TRIM46: variants seen among roughly 807,000 people sequenced by gnomAD.
TRIM46 encodes tripartite motif containing 46.
A neutral mutation model predicts 69.7 loss-of-function variants in TRIM46; 17 were observed. The ratio of observed to expected loss-of-function variants is 0.24; its 90% CI spans 0.17 to 0.37. The LOEUF is 0.37. TRIM46 is among the 10% of genes least tolerant of loss of function. TRIM46 has a pLI of 1.00. For synonymous variants in TRIM46, 391 were observed against 429.0 expected (o/e 0.91, Z 1.09); for missense variants, 675 against 1,025.1 (o/e 0.66, Z 4.66).
rs767836066 is a variant in TRIM46, at chr1:155,178,148, G to A, written c.1056G>A (p.Glu352=). ...CCCGTCTCAGCGCCCAGATCCAGGA[G>A]CACCGGAGCCTGCTGGATGGCTCAG... The part of the protein sequence containing the change: ...RLARLSAQIQ[E]HRSLLDGSGL... Residue 352 remains glutamate, a synonymous_variant, in exon 6 of 10, where the codon GAG becomes GAA. Coordinates refer to ENST00000334634, the MANE Select transcript of TRIM46 (RefSeq NM_025058.5). 8 of 1,614,024 alleles carry A rather than the reference G, an allele frequency of 5.0e-6. No homozygotes were observed. The highest frequency in any genetic ancestry group is 3.3e-5 in the Admixed American group (2 of 60,008).
At chr1:155,180,685 T>A in intron 8 of TRIM46, 1 of 165,262 alleles carries the variant, frequency 6.1e-6, no homozygotes, top group Non-Finnish European at 1.3e-5. Flanking sequence ...CCAAGGTGGG[T>A]GGATCCCCTG....
At chr1:155,179,260 C>T (rs1239960319) in intron 7 of TRIM46, among the ~76,000 whole-genome samples, 1 of 152,178 alleles carries the variant, frequency 6.6e-6, no homozygotes, top group African/African-American at 2.4e-5. Context: ...CCTGGGGCTC[C>T]TCTTAATTCA....
At chr1:155,180,020 G>A (rs1243381959) in intron 8 of TRIM46, 86 bp downstream of exon 8, 11 of 1,397,102 alleles carry the variant, frequency 7.9e-6, no homozygotes, top group Non-Finnish European at 1.1e-5. Flanking sequence ...GTGGCCGCTA[G>A]AGAGGCCATA....
chr1:155,183,891 A>G lies in TRIM46; in HGVS notation c.1981A>G (p.Ile661Val). ...FAFLTIGMGK[I>V]LLGSGASSNA... is the part of the protein sequence containing the mutation. ...TTTCCTAACCATTGGCATGGGCAAGATCCTGCTGGGGTCGGGGGCAAGCTC... is the reference window on the plus strand; with the variant it reads ...TTTCCTAACCATTGGCATGGGCAAGGTCCTGCTGGGGTCGGGGGCAAGCTC... The change falls in exon 10 of 10, where the codon ATC becomes GTC. Residue 661 changes from isoleucine (I) to valine (V), a missense_variant. Coordinates refer to ENST00000334634, the MANE Select transcript of TRIM46 (RefSeq NM_025058.5). The G allele has an allele frequency of 6.2e-7, 1 of 1,613,594 alleles. No individual in the cohort carries two copies. The highest frequency in any genetic ancestry group is 8.5e-7 in the Non-Finnish European group (1 of 1,180,028).
chr1:155,175,904 T>C lies in TRIM46; in HGVS notation c.342T>C (p.Pro114=), dbSNP rs1188076936. The part of the protein sequence containing the change: ...RLLKSGFGTY[P]GRKRGALHPQ... ...CACCCACAGGCTTTGGGACATACCC[T>C]GGGAGGAAGCGAGGTGCTTTGCACC... Residue 114 remains proline, a synonymous_variant, in exon 3 of 10, where the codon CCT becomes CCC. Coordinates refer to ENST00000334634, the MANE Select transcript of TRIM46 (RefSeq NM_025058.5). This position sits in a 1 kb window ranked among gnomAD's most constrained non-coding sequence, Gnocchi z 4.2. 1 of 1,589,568 alleles carries C rather than the reference T, an allele frequency of 6.3e-7. No individual in the cohort carries two copies. The highest frequency in any genetic ancestry group is 1.7e-5 in the Admixed American group (1 of 58,244).
Position 155,184,106 on chromosome 1 carries a change from G to A in TRIM46, c.2196G>A (p.Gly732=), listed in dbSNP as rs751599916. The change falls in exon 10 of 10, where the codon GGG becomes GGA. Residue 732 remains glycine (G), a synonymous_variant. Transcript: ENST00000334634. This position sits in a 1 kb window ranked among gnomAD's most constrained non-coding sequence, Gnocchi z 5.6. ...GPVCPAFCFI[G]GGAVQLQEPV... is the part of the protein sequence containing the mutation. ...TGTGCCCTGCCTTTTGCTTCATCGG[G>A]GGTGGCGCAGTACAGCTCCAGGAGC... is the stretch of plus-strand genomic sequence containing the variant. 4.3e-5 allele frequency: 70 copies of A among 1,613,892 alleles called. No individual in the cohort carries two copies. In the Admixed American group the frequency reaches 1.1e-3, roughly 26 times the overall value.
In TRIM46 at chr1:155,175,153, C is replaced by T; in HGVS notation, c.64-233C>T. The T allele has an allele frequency of 7.2e-7, 1 of 1,397,222 alleles. No homozygotes were observed. Among genetic ancestry groups the T allele is most frequent in the Non-Finnish European group, 9.2e-7 (1 of 1,082,854 alleles). 86.6% of individuals were successfully genotyped at this position (1,397,222 alleles called of 1,614,324 possible). On this transcript the variant is annotated intron_variant, in intron 1 of 9. Coordinates refer to ENST00000334634, the MANE Select transcript of TRIM46 (RefSeq NM_025058.5). The surrounding 1 kb of genome is among the most constrained non-coding windows in gnomAD (Gnocchi z 4.2). ...ATTGGGCTTGAGGCTGGAGCAGGCA[C>T]AAGCTCCAACCGTCCCTCCTCTGGG...
chr1:155,174,865 G>A, intron 1 of TRIM46: 1 of 1,415,662 alleles, frequency 7.1e-7, no homozygotes, highest in Non-Finnish European at 9.2e-7. Flanking sequence ...GTGAAGGATG[G>A]GGAATGGAGG....
At chr1:155,174,737 C>A in intron 1 of TRIM46, 2 of 1,454,508 alleles carry the variant, frequency 1.4e-6, no homozygotes, top group Non-Finnish European at 1.8e-6. Flanking sequence ...GTAGGCGGGG[C>A]TCTTGATTCC....
At chr1:155,178,293 T>A in intron 6 of TRIM46, 38 bp downstream of exon 6, 1 of 1,568,562 alleles carries the variant, frequency 6.4e-7, no homozygotes, top group African/African-American at 1.3e-5. Context: ...GGCAGGGACA[T>A]CATGGATGTG....
Position 155,178,565 on chromosome 1 carries a change from G to A in TRIM46, c.1237G>A (p.Asp413Asn), listed in dbSNP as rs772215425. The A allele has an allele frequency of 6.8e-6, 11 of 1,613,946 alleles. No individual in the cohort carries two copies. The highest frequency in any genetic ancestry group is 5.5e-5 in the South Asian group (5 of 91,088). ...ASSSFRHCQL[D>N]VGREMKLLTE... ...CTCCTCCTTCCGCCATTGCCAGCTC[G>A]ACGTGGGACGTGAGATGAAGCTGCT... Residue 413 changes from aspartate to asparagine, a missense_variant, in exon 7 of 10, where the codon GAC (aspartate) becomes AAC (asparagine). Physicochemically the swap from Asp to Asn is conservative, Grantham distance 23. This residue lies in a region of TRIM46 where 361 missense variants were observed against 498.3 expected (regional missense o/e 0.72). Transcript: ENST00000334634.
chr1:155,181,957 T>TGGCTGCTGACC lies in TRIM46; in HGVS notation c.1712_1722dup (p.His575Ter), dbSNP rs753956486. 1.9e-6 allele frequency: 3 copies of TGGCTGCTGACC among 1,614,098 alleles called. No homozygotes were observed. The highest frequency in any genetic ancestry group is 1.7e-5 in the Admixed American group (1 of 60,026). On this transcript the variant is annotated frameshift_variant, in exon 9 of 10. Coordinates refer to ENST00000334634, the MANE Select transcript of TRIM46 (RefSeq NM_025058.5). LOFTEE classifies it high-confidence loss of function. This position sits in a 1 kb window ranked among gnomAD's most constrained non-coding sequence, Gnocchi z 4.3. ...AGTGTTCCAGGGCTGCCCCTGCTGC[T>TGGCTGCTGACC]GGCTGCTGACCGGCTGCTGACCGGC...
intron 3 of TRIM46, 124 bp from the exon 4 acceptor site, chr1:155,176,808 A>C: frequency 8.1e-7 from 1 of 1,227,124 alleles, no homozygotes; most frequent in Non-Finnish European, 1.2e-6. Context: ...ACTGTGGAGC[A>C]CCACCAGCGG....
In TRIM46 at chr1:155,178,772, C is replaced by T. The variant is rs1244730893; in HGVS notation, c.1285+159C>T. ...AGCCCACCCTGCCACACCGTCCTAC[C>T]GCGCTCAGCGCTGCTTCTCCCTCTC... is the stretch of plus-strand genomic sequence containing the variant. On this transcript the variant is annotated intron_variant, in intron 7 of 9. Coordinates refer to ENST00000334634, the MANE Select transcript of TRIM46 (RefSeq NM_025058.5). 13 of 1,494,022 alleles carry T rather than the reference C, an allele frequency of 8.7e-6. No individual in the cohort carries two copies. In the East Asian group the frequency reaches 1.5e-4, roughly 17 times the overall value. 92.5% of individuals were successfully genotyped at this position (1,494,022 alleles called of 1,614,324 possible).
Position 155,176,237 on chromosome 1 carries a change from C to T in TRIM46, c.669+6C>T. On this transcript the variant is annotated splice_donor_region_variant and intron_variant, in intron 3 of 9. Transcript: ENST00000334634. ...CCCTCTCCTTCCGACCCAAGGTGAG[C>T]CAGCCCTTCCAAGGCCTGGGGAGGG... 1 of 1,588,638 alleles carries T rather than the reference C, an allele frequency of 6.3e-7. No individual in the cohort carries two copies. Among genetic ancestry groups the T allele is most frequent in the Non-Finnish European group, 8.6e-7 (1 of 1,168,952 alleles).
chr1:155,179,247 C>T (rs569498355), intron 7 of TRIM46, among the ~76,000 whole-genome samples: 5 of 152,314 alleles, frequency 3.3e-5, no homozygotes, highest in Admixed American at 6.5e-5. Flanking sequence ...TTGCCTGCCC[C>T]TCCCTGGGGC....
At chr1:155,178,643 C>A in intron 7 of TRIM46, 30 bp downstream of exon 7, 4 of 1,608,490 alleles carry the variant, frequency 2.5e-6, no homozygotes, top group Admixed American at 1.7e-5. Context: ...CCATGCCCAA[C>A]CAGAGCCTTC....
rs1004582961 is a variant in TRIM46 at position 155,181,546 on chromosome 1, TG to T, written c.1589-302del. Among the ~76,000 whole-genome samples the T allele has an allele frequency of 2.6e-5, 4 of 152,144 alleles. No individual in the cohort carries two copies. Among genetic ancestry groups the T allele is most frequent in the Admixed American group, 2.6e-4 (4 of 15,276 alleles). ...GGAACAGAATAGTGGGAACTGTCCA[TG>T]GGGCTGGCCACAAGTAAGGGGTTCG... On this transcript the variant is annotated intron_variant, in intron 8 of 9. Transcript: ENST00000334634. The surrounding 1 kb of genome is among the most constrained non-coding windows in gnomAD (Gnocchi z 4.3).
At chr1:155,178,471 C>T in intron 6 of TRIM46, 21 bp from the exon 7 acceptor site, 3 of 1,613,344 alleles carry the variant, frequency 1.9e-6, no homozygotes. Context: ...AGTGCCTGAC[C>T]CTTTCTTGCC....
Sources: allele counts gnomAD v4.1 joint callset (sites outside exome capture counted in the v4.1 genomes callset), GRCh38; gene constraint gnomAD v4.1.1; regional missense constraint gnomAD v4.1.1; non-coding constraint Gnocchi (gnomAD v3.1); transcripts MANE v1.5; gene names NCBI Gene and HGNC (gene_info 2026-07-23, HGNC 2026-07-21).